Variants in MAD1L1 observed in about 807,000 individuals in gnomAD.
The protein encoded by MAD1L1 is mitotic spindle assembly checkpoint protein MAD1.
MAD1L1 carries 95 observed loss-of-function variants against 96.9 expected under a neutral mutation model. The observed-to-expected ratio is 0.98, with a 90% CI of 0.83 to 1.16. The LOEUF (loss-of-function observed/expected upper bound fraction) is 1.16. Among genes scored for constraint, MAD1L1 ranks in the 50% most tolerant of loss-of-function variants. The probability of loss-of-function intolerance (pLI) is 0.00; values close to 1 mark genes in which losing one functional copy is unlikely to be tolerated. For synonymous variants in MAD1L1, 473 were observed against 396.6 expected (o/e 1.19, Z -2.29); for missense variants, 1,007 against 954.4 (o/e 1.06, Z -0.73).
At chr7:2,105,361 C>A (rs144109303) in intron 11 of MAD1L1, among the ~76,000 whole-genome samples, 8 of 150,254 alleles carry the variant, frequency 5.3e-5, no homozygotes, top group African/African-American at 2.0e-4. Flanking sequence ...CAGGGCAGAA[C>A]AGGCCGCAGA....
chr7:2,155,851 G>T (rs780931219), intron 10 of MAD1L1, among the ~76,000 whole-genome samples: 1 of 152,050 alleles, frequency 6.6e-6, no homozygotes, highest in Non-Finnish European at 1.5e-5. Context: ...TCCCCTTTTC[G>T]GTTTTTCCGA....
At chr7:1,947,412 A>G (rs1029825771) in intron 16 of MAD1L1, among the ~76,000 whole-genome samples, 1 of 152,264 alleles carries the variant, frequency 6.6e-6, no homozygotes, top group Non-Finnish European at 1.5e-5. Context: ...GTCCTTATGC[A>G]TATTTATAGA....
chr7:1,884,195 T>C (rs1398223349), intron 18 of MAD1L1, among the ~76,000 whole-genome samples: 1 of 152,210 alleles, frequency 6.6e-6, no homozygotes, highest in East Asian at 1.9e-4. Context: ...ATGCACGGTG[T>C]TTGGTGGCAC....
chr7:2,178,822 A>C (rs1460525252), intron 10 of MAD1L1, among the ~76,000 whole-genome samples: 1 of 151,670 alleles, frequency 6.6e-6, no homozygotes, highest in Non-Finnish European at 1.5e-5. Context: ...ACCTGAACCC[A>C]GGAGACGGAG....
chr7:2,013,176 G>A (rs1303594566), intron 13 of MAD1L1, among the ~76,000 whole-genome samples: 7 of 152,378 alleles, frequency 4.6e-5, no homozygotes, highest in African/African-American at 1.7e-4. Context: ...CCGGCTGGAA[G>A]GTGGCTGTGG....
intron 14 of MAD1L1, among the ~76,000 whole-genome samples, chr7:1,996,428 G>A (rs973858033): frequency 2.0e-5 from 3 of 152,362 alleles, no homozygotes; most frequent in African/African-American, 7.2e-5. Context: ...AGAAGCCAGA[G>A]GCTCTGAGAG....
At chr7:1,986,705 CA>C (rs1781168316) in intron 14 of MAD1L1, among the ~76,000 whole-genome samples, 1 of 152,156 alleles carries the variant, frequency 6.6e-6, no homozygotes, top group African/African-American at 2.4e-5. Flanking sequence ...TCTGTTTTGT[CA>C]AAATTTAAGT....
chr7:1,983,131 G>C (rs1175915295), intron 14 of MAD1L1, among the ~76,000 whole-genome samples: 3 of 24,914 alleles, frequency 1.2e-4, no homozygotes, highest in East Asian at 3.3e-3. Context: ...CACACCCACA[G>C]ACGCGCGCGC....
At chr7:1,900,075 G>T (rs1787147819) in intron 17 of MAD1L1, among the ~76,000 whole-genome samples, 2 of 152,242 alleles carry the variant, frequency 1.3e-5, no homozygotes, top group African/African-American at 4.8e-5. Flanking sequence ...ACCGCCGAGA[G>T]CGCAGGGCCG....
intron 12 of MAD1L1, among the ~76,000 whole-genome samples, chr7:2,051,780 G>C (rs56289396): frequency 1.3e-5 from 1 of 74,716 alleles, no homozygotes. Flanking sequence ...CCCTGCGCCC[G>C]CCAGGTCACC....
At chr7:2,223,534 G>C (rs867088174) in intron 4 of MAD1L1, 2 of 152,262 alleles carry the variant, frequency 1.3e-5, no homozygotes, top group African/African-American at 4.8e-5. Context: ...CGGAGCCCCG[G>C]GTGGAGTACG....
chr7:1,971,914 G>A (rs1299331552), intron 15 of MAD1L1, among the ~76,000 whole-genome samples: 1 of 152,206 alleles, frequency 6.6e-6, no homozygotes, highest in Non-Finnish European at 1.5e-5. Flanking sequence ...GGGCTGGCTG[G>A]AGACCTTTAA....
chr7:2,026,697 G>C (rs899960076), intron 12 of MAD1L1, among the ~76,000 whole-genome samples: 2 of 152,080 alleles, frequency 1.3e-5, no homozygotes, highest in African/African-American at 4.8e-5. Flanking sequence ...ATAGCCCATT[G>C]GTCAAAATAA....
chr7:1,867,118 G>A (rs577804824), intron 18 of MAD1L1, among the ~76,000 whole-genome samples: 393 of 152,332 alleles, frequency 2.6e-3, no homozygotes, highest in Non-Finnish European at 2.7e-3. Context: ...AAGCTGGGGC[G>A]AAGTGGGAGA....
intron 18 of MAD1L1, 138 bp from the exon 19 acceptor site, chr7:1,816,366 C>T: frequency 1.3e-6 from 1 of 757,214 alleles, no homozygotes; most frequent in Non-Finnish European, 2.2e-6. Context: ...GATGCGTCCT[C>T]AACCCTGCCA....
chr7:2,006,983 G>A (rs1233359199), intron 13 of MAD1L1, among the ~76,000 whole-genome samples: 1 of 152,154 alleles, frequency 6.6e-6, no homozygotes, highest in Non-Finnish European at 1.5e-5. Flanking sequence ...GCCGCGGGAG[G>A]GGATGGGGTG....
At chr7:2,092,924 G>A (rs1047214066) in intron 11 of MAD1L1, among the ~76,000 whole-genome samples, 4 of 152,154 alleles carry the variant, frequency 2.6e-5, no homozygotes, top group Middle Eastern at 3.4e-3. Flanking sequence ...CCTTCTTCAT[G>A]GGTAACCAGG....
intron 11 of MAD1L1, among the ~76,000 whole-genome samples, chr7:2,111,522 G>C (rs1219295189): frequency 6.6e-6 from 1 of 152,246 alleles, no homozygotes; most frequent in African/African-American, 2.4e-5. Context: ...GAAGCAAAAC[G>C]AAACCAGCTT....
intron 18 of MAD1L1, chr7:1,838,866 C>A (rs1444429303): frequency 6.4e-6 from 3 of 471,240 alleles, no homozygotes. Flanking sequence ...GTATGACTGA[C>A]AGGTAAGACT....
Sources: gnomAD v4.1 joint callset for allele counts (sites outside exome capture counted in the v4.1 genomes callset) on GRCh38, gnomAD v4.1.1 for gene constraint, MANE v1.5 for transcripts, NCBI Gene and HGNC (gene_info 2026-07-23, HGNC 2026-07-21) for gene names.